The following INF2 variants were observed in gnomAD, a reference collection of about 807,000 sequenced individuals.
INF2 encodes the protein inverted formin-2.
Under a neutral mutation model 123.5 loss-of-function variants are expected in INF2, and 43 were observed. The ratio of observed to expected loss-of-function variants is 0.35; its 90% CI spans 0.27 to 0.45. INF2 has a LOEUF of 0.45. Among genes scored for constraint, INF2 ranks in the 20% least tolerant of loss-of-function variants. The probability of loss-of-function intolerance (pLI) is 1.00; values close to 1 mark genes in which losing one functional copy is unlikely to be tolerated. For missense variants in INF2, 1,453 were observed against 1,682.7 expected (o/e 0.86, Z 2.39); for synonymous variants, 851 against 745.0 (o/e 1.14, Z -2.32).
chr14:104,714,827 G>A lies in INF2; in HGVS notation c.3665G>A (p.Arg1222Lys), dbSNP rs755067241. 8 of 1,592,576 alleles carry A rather than the reference G, an allele frequency of 5.0e-6. No homozygotes were observed. The highest frequency in any genetic ancestry group is 1.7e-4 in the Middle Eastern group (1 of 6,012). Reference protein sequence around the residue: ...GRASKGTGKRRKKRPSRSQEE... With the variant: ...GRASKGTGKRKKKRPSRSQEE... The stretch of plus-strand genomic sequence containing the variant: ...GCCTCAAAGGGGACCGGGAAGCGAA[G>A]GAAGAAGCGTCCCTCCAGGAGCCAG... Residue 1222 changes from arginine to lysine, a missense_variant, in exon 21 of 23, where the codon AGG (arginine) becomes AAG (lysine). Physicochemically the swap from Arg to Lys is conservative, Grantham distance 26 (BLOSUM62 2). Transcript: ENST00000392634.
rs1286694029 is a variant in INF2 at position 104,706,870 on chromosome 14, G to A, written c.844-40G>A. 7 of 1,596,592 alleles carry A rather than the reference G, an allele frequency of 4.4e-6. No individual in the cohort carries two copies. In the Admixed American group the frequency reaches 1.0e-4, roughly 23 times the overall value. On this transcript the variant is annotated intron_variant, in intron 6 of 22. Coordinates refer to ENST00000392634, the MANE Select transcript of INF2 (RefSeq NM_022489.4). ...CCACAGTCCTTAGTCCACCAGGGAG[G>A]GGCCGGCTGCTGACCTGCACCCCAC...
intron 22 of INF2, among the ~76,000 whole-genome samples, chr14:104,718,315 G>GTGTGGGGGCCGTCTGGGTGGCGGGAGC (rs1890409472): frequency 6.6e-6 from 1 of 152,242 alleles, no homozygotes; most frequent in Non-Finnish European, 1.5e-5. Flanking sequence ...GTGGGGCCAT[G>GTGTGGGGGCCGTCTGGGTGGCGGGAGC]TGTGGGGGCC....
In INF2 at chr14:104,713,562, GC is replaced by G. The variant is rs1242682641; in HGVS notation, c.2997del (p.Ser1000AlafsTer51). 3 of 1,612,378 alleles carry G rather than the reference GC, an allele frequency of 1.9e-6. No homozygotes were observed. Among genetic ancestry groups the G allele is most frequent in the Non-Finnish European group, 2.5e-6 (3 of 1,179,744 alleles). The stretch of plus-strand genomic sequence containing the variant: ...CGGGGCCGCGGGGACACCGACGGGG[GC>G]AGCAAGGCAGCCTCCATGGATCCCC... ...TARGRGDTDG[G>X]SKAASMDPPR... On this transcript the variant is annotated frameshift_variant, in exon 20 of 23. Transcript: ENST00000392634. LOFTEE classifies it high-confidence loss of function.
At position 104,703,286 on chromosome 14, in the gene INF2, T is replaced by C. The variant is rs1290257549; in HGVS notation, c.508-9T>C. 1.2e-6 allele frequency: 2 copies of C among 1,610,408 alleles called. No homozygotes were observed. The highest frequency in any genetic ancestry group is 1.7e-6 in the Non-Finnish European group (2 of 1,177,860). ...GCCTGGGTGTGCCCTGACCCCGCCC[T>C]CCCCACAGACGGTGTGCAGCCAGCA... On this transcript the variant is annotated splice_polypyrimidine_tract_variant and intron_variant, in intron 3 of 22. Coordinates refer to ENST00000392634, the MANE Select transcript of INF2 (RefSeq NM_022489.4).
intron 8 of INF2, chr14:104,708,204 C>G: frequency 1.1e-6 from 1 of 898,362 alleles, no homozygotes. Context: ...CCTCTGAGGA[C>G]CCCCCTCCAC....
At position 104,712,273 on chromosome 14, in the gene INF2, C is replaced by T. The variant is rs370737041; in HGVS notation, c.2490-160C>T. On this transcript the variant is annotated intron_variant, in intron 16 of 22. Coordinates refer to ENST00000392634, the MANE Select transcript of INF2 (RefSeq NM_022489.4). ...ATGCTCACAGGGGGCTGAGGGTCAG[C>T]TGGAACAGGCACTCAACCCCAACAC... Among the ~76,000 whole-genome samples, 81 of 152,282 alleles carry T rather than the reference C, an allele frequency of 5.3e-4. No individual in the cohort carries two copies. The East Asian group carries it at 0.015, about 27-fold the overall frequency.
In INF2 at chr14:104,721,633, CCT is replaced by C. The variant is rs1890560442; in HGVS notation, c.*2842_*2843del. 6.5e-6 allele frequency: 1 copy of C among 153,190 alleles called. No individual in the cohort carries two copies. Among genetic ancestry groups the C allele is most frequent in the Non-Finnish European group, 1.5e-5 (1 of 68,696 alleles). The allele number at this position is 153,190 out of a possible 1,614,324, so 9.5% of individuals were successfully genotyped here. A position where few individuals can be genotyped will look rare whatever the true frequency, so the allele number is the denominator to read the frequency against. ...TAGCTCCACTCCTCCCCCTCCCCAC[CCT>C]CCACAGAACTGCCAGTAAAACTGGA... is the stretch of plus-strand genomic sequence containing the variant. On this transcript the variant is annotated 3_prime_UTR_variant, in exon 23 of 23. Coordinates refer to ENST00000392634, the MANE Select transcript of INF2 (RefSeq NM_022489.4).
Position 104,712,976 on chromosome 14 carries a change from T to C in INF2, c.2759T>C (p.Phe920Ser). The C allele has an allele frequency of 6.2e-7, 1 of 1,612,532 alleles. No individual in the cohort carries two copies. Among genetic ancestry groups the C allele is most frequent in the Non-Finnish European group, 8.5e-7 (1 of 1,179,794 alleles). ...FSTMKAFRDL[F>S]LRALKENKDR... ...ACCATGAAGGCTTTCCGGGACCTTT[T>C]CCTCCGCGCCCTGAAGGTGGGGCAG... is the stretch of plus-strand genomic sequence containing the variant. Residue 920 changes from phenylalanine to serine, a missense_variant, in exon 18 of 23, where the codon TTC (phenylalanine) becomes TCC (serine). Around this residue, in one of 8 missense-constraint regions of INF2, gnomAD observed 212 missense variants for 266.2 expected, o/e 0.80. Transcript: ENST00000392634.
chr14:104,681,521 C>T, exon 1 of INF2: 2 of 1,283,678 alleles, frequency 1.6e-6, no homozygotes, highest in Non-Finnish European at 2.0e-6. Context: ...CCCCTCTCAG[C>T]AAACTCCACG....
Position 104,708,683 on chromosome 14 carries a change from G to A in INF2, c.1900G>A (p.Asp634Asn). ...GGGGGTTTTCTAGATCACTTTCCTC[G>A]ATGCCAAGAAGAGCCTGAACCTCAA... ...RKEPKEITFL[D>N]AKKSLNLNIF... Residue 634 changes from aspartate (D) to asparagine (N), a missense_variant, in exon 10 of 23, where the codon GAT (aspartate) becomes AAT (asparagine). This residue lies in a region of INF2 where 192 missense variants were observed against 274.4 expected (regional missense o/e 0.70). Transcript: ENST00000392634. 1.2e-6 allele frequency: 2 copies of A among 1,613,022 alleles called. No individual in the cohort carries two copies. Among genetic ancestry groups the A allele is most frequent in the Non-Finnish European group, 1.7e-6 (2 of 1,179,838 alleles).
rs77549829 is a variant in INF2 at position 104,689,755 on chromosome 14, C to A, written c.-10+16C>A. 3.5e-3 allele frequency: 3,449 copies of A among 984,884 alleles called. 12 individuals carry two copies. Among genetic ancestry groups the A allele is most frequent in the Non-Finnish European group, 3.9e-3 (3,272 of 829,604 alleles). 61.0% of individuals were successfully genotyped at this position (984,884 alleles called of 1,614,324 possible). A position where few individuals can be genotyped will look rare whatever the true frequency, so the allele number is the denominator to read the frequency against. Reference sequence around the variant, plus strand: ...GCCTCACCGGGTAAGTCCTTGGCCTCGGGGTCCGCTTGGAGCTTCAGGGGA... The same window carrying A: ...GCCTCACCGGGTAAGTCCTTGGCCTAGGGGTCCGCTTGGAGCTTCAGGGGA... On this transcript the variant is annotated intron_variant, in intron 1 of 22. Coordinates refer to ENST00000392634, the MANE Select transcript of INF2 (RefSeq NM_022489.4).
At chr14:104,681,334 C>T (rs1274411672) in exon 1 of INF2, 5 of 429,944 alleles carry the variant, frequency 1.2e-5, no homozygotes, top group African/African-American at 8.1e-5. Context: ...GAACAAAGAA[C>T]ATTCTCCTGG....
At chr14:104,706,882 G>T in intron 6 of INF2, 28 bp from the exon 7 acceptor site, 1 of 1,601,056 alleles carries the variant, frequency 6.2e-7, no homozygotes, top group South Asian at 1.1e-5. Flanking sequence ...GCCGGCTGCT[G>T]ACCTGCACCC....
rs933459786 is a variant in INF2, at chr14:104,713,314, G to T, written c.2878+5G>T. 6.4e-7 allele frequency: 1 copy of T among 1,550,416 alleles called. No homozygotes were observed. The highest frequency in any genetic ancestry group is 8.7e-7 in the Non-Finnish European group (1 of 1,147,490). ...GGGGAGAGGACGGGAAGCCTGGTGA[G>T]GCTGGGCCGGCTGGGCGGGGAGGGG... is the stretch of plus-strand genomic sequence containing the variant. On this transcript the variant is annotated splice_donor_5th_base_variant and intron_variant, in intron 19 of 22. Coordinates refer to ENST00000392634, the MANE Select transcript of INF2 (RefSeq NM_022489.4).
At position 104,719,641 on chromosome 14, in the gene INF2, A is replaced by C. The variant is rs1479615003; in HGVS notation, c.*848A>C. 2 of 152,244 alleles carry C rather than the reference A, an allele frequency of 1.3e-5. No homozygotes were observed. The allele number at this position is 152,244 out of a possible 1,614,324, so 9.4% of individuals were successfully genotyped here. A position where few individuals can be genotyped will look rare whatever the true frequency, so the allele number is the denominator to read the frequency against. On this transcript the variant is annotated 3_prime_UTR_variant, in exon 23 of 23. Transcript: ENST00000392634. ...GACTGTCGTGTTCAGAGGCTGCGGGAGTGGGCGGTGGACGTGGGCTCCCAC... is the reference window on the plus strand; with the variant it reads ...GACTGTCGTGTTCAGAGGCTGCGGGCGTGGGCGGTGGACGTGGGCTCCCAC...
chr14:104,701,308 A>G, intron 1 of INF2, 49 bp from the exon 2 acceptor site: 2 of 1,528,758 alleles, frequency 1.3e-6, no homozygotes, highest in Non-Finnish European at 8.8e-7. Context: ...GGCCAGGAGG[A>G]CAGCCCCCAT....
chr14:104,689,587 T>TGCGAC, upstream of INF2: 1 of 851,066 alleles, frequency 1.2e-6, no homozygotes, highest in Non-Finnish European at 1.4e-6. Flanking sequence ...CACCTCCTCT[T>TGCGAC]CCTCCCGCCC....
rs1889361347 is a variant in INF2 at position 104,699,371 on chromosome 14, G to A, written c.-9-1986G>A. The stretch of plus-strand genomic sequence containing the variant: ...TCTTTAGGCAGCAACAGCCAAGGCG[G>A]GTGGGAATATATGCAGAGGCCCGGC... On this transcript the variant is annotated intron_variant, in intron 1 of 22. Coordinates refer to ENST00000392634, the MANE Select transcript of INF2 (RefSeq NM_022489.4). This position sits in a 1 kb window ranked among gnomAD's most constrained non-coding sequence, Gnocchi z 4.7. 2.0e-6 allele frequency: 2 copies of A among 984,740 alleles called. No homozygotes were observed. Among genetic ancestry groups the A allele is most frequent in the African/African-American group, 1.7e-5 (1 of 57,326 alleles). The allele number at this position is 984,740 out of a possible 1,614,324, so 61.0% of individuals were successfully genotyped here.
rs762179712 is a variant in INF2 at position 104,701,350 on chromosome 14, C to T, written c.-9-7C>T. ...CCCGCTGACGGCTCCCTGCCCTCTG[C>T]CTGCAGCTCGGCAAGATGTCGGTGA... is the stretch of plus-strand genomic sequence containing the variant. On this transcript the variant is annotated splice_polypyrimidine_tract_variant and splice_region_variant and intron_variant, in intron 1 of 22. Coordinates refer to ENST00000392634, the MANE Select transcript of INF2 (RefSeq NM_022489.4). 3 of 1,567,376 alleles carry T rather than the reference C, an allele frequency of 1.9e-6. No individual in the cohort carries two copies. Among genetic ancestry groups the T allele is most frequent in the African/African-American group, 1.4e-5 (1 of 73,780 alleles).
Sources: gnomAD v4.1 joint callset for allele counts (sites outside exome capture counted in the v4.1 genomes callset) on GRCh38, gnomAD v4.1.1 for gene constraint, gnomAD v4.1.1 regional missense constraint, Gnocchi (gnomAD v3.1) non-coding constraint, MANE v1.5 for transcripts, NCBI Gene and HGNC (gene_info 2026-07-23, HGNC 2026-07-21) for gene names.